DYM: variants seen among roughly 807,000 people sequenced by gnomAD.
DYM encodes the protein dyggve-Melchior-Clausen syndrome protein.
In DYM, 78 loss-of-function variants were observed where a neutral mutation model predicts 93.1. The ratio of observed to expected loss-of-function variants is 0.84; its 90% CI spans 0.70 to 1.01. The LOEUF (loss-of-function observed/expected upper bound fraction) is 1.01, where lower values mean the gene tolerates loss of function less well. Ranked by LOEUF, DYM falls within the 50% of genes least tolerant of loss-of-function variation. The probability of loss-of-function intolerance (pLI) is 0.00; values close to 1 mark genes in which losing one functional copy is unlikely to be tolerated. For missense variants in DYM, 789 were observed against 845.0 expected, an observed-to-expected ratio of 0.93 and a Z score of 0.82; for synonymous variants, 321 against 319.7, an observed-to-expected ratio of 1.00 and a Z score of -0.04.
intron 8 of DYM, among the ~76,000 whole-genome samples, chr18:49,293,140 T>C (rs1214173632): frequency 6.6e-6 from 1 of 152,176 alleles, no homozygotes; most frequent in Admixed American, 6.6e-5. Flanking sequence ...TCCATGTCCC[T>C]GCAAAGGACA....
intron 15 of DYM, among the ~76,000 whole-genome samples, chr18:49,149,279 T>C (rs1197513050): frequency 6.6e-6 from 1 of 152,130 alleles, no homozygotes; most frequent in Non-Finnish European, 1.5e-5. Context: ...TCCTGCTGTG[T>C]GGCTCAGTTC....
chr18:49,044,311 T>G, intron 17 of DYM, 107 bp from the exon 18 acceptor site: 1 of 1,197,032 alleles, frequency 8.4e-7, no homozygotes, highest in African/African-American at 1.5e-5. Context: ...CACCCACCCC[T>G]GCCAACTGGT....
chr18:49,095,118 A>T (rs918196065), intron 17 of DYM, among the ~76,000 whole-genome samples: 2 of 152,244 alleles, frequency 1.3e-5, no homozygotes, highest in Non-Finnish European at 2.9e-5. Context: ...ATATATTAGT[A>T]AACTACTCCA....
intron 10 of DYM, among the ~76,000 whole-genome samples, chr18:49,272,851 T>C (rs2094743685): frequency 6.6e-6 from 1 of 152,176 alleles, no homozygotes; most frequent in Non-Finnish European, 1.5e-5. Flanking sequence ...TAATGCTGTT[T>C]ACCATTGTGC....
At chr18:49,211,418 T>C (rs553785551) in intron 13 of DYM, among the ~76,000 whole-genome samples, 136 of 152,276 alleles carry the variant, frequency 8.9e-4, no homozygotes, top group Non-Finnish European at 1.5e-3. Flanking sequence ...ATAGTGAACA[T>C]ATCTGATATG....
chr18:49,273,838 G>A (rs2094776525), intron 10 of DYM, among the ~76,000 whole-genome samples: 1 of 142,108 alleles, frequency 7.0e-6, no homozygotes, highest in Non-Finnish European at 1.5e-5. Flanking sequence ...TTTTGGCTAC[G>A]CCTGTAGAAA....
intron 17 of DYM, among the ~76,000 whole-genome samples, chr18:49,094,135 AG>A (rs2079335323): frequency 6.6e-6 from 1 of 152,256 alleles, no homozygotes; most frequent in African/African-American, 2.4e-5. Flanking sequence ...CACTAAATAC[AG>A]TAAAATTCTT....
chr18:49,359,866 A>C (rs1244577568), intron 6 of DYM: 1 of 152,334 alleles, frequency 6.6e-6, no homozygotes, highest in Non-Finnish European at 1.5e-5. Context: ...TTCCTCTTAA[A>C]TTATACACTG....
At chr18:49,349,372 AT>A (rs1284683996) in intron 6 of DYM, among the ~76,000 whole-genome samples, 2 of 152,372 alleles carry the variant, frequency 1.3e-5, no homozygotes, top group Admixed American at 1.3e-4. Context: ...GTTATTAAAA[AT>A]ATTCTTAAAA....
chr18:49,097,014 A>C (rs1177487783), intron 17 of DYM, among the ~76,000 whole-genome samples: 1 of 152,218 alleles, frequency 6.6e-6, no homozygotes, highest in African/African-American at 2.4e-5. Flanking sequence ...TGAGCTTGAT[A>C]TAACACATTT....
rs574513638 is a variant in DYM, at chr18:49,045,852, C to T, written c.2026-1648G>A. ...GAGCAGAGGCCAGACTGGGGAGCTG[C>T]ACATAAGGTCCCGGAAGCCTCTGAA... On this transcript the variant is annotated intron_variant, in intron 17 of 17. Coordinates refer to ENST00000675505, the MANE Select transcript of DYM (RefSeq NM_001353214.3). 2.6e-5 allele frequency among the ~76,000 whole-genome samples: 4 copies of T among 152,164 alleles called. 1 individual carries two copies. Among genetic ancestry groups the T allele is most frequent in the African/African-American group, 9.6e-5 (4 of 41,498 alleles).
intron 14 of DYM, among the ~76,000 whole-genome samples, chr18:49,177,000 A>G (rs1364060775): frequency 1.3e-5 from 2 of 152,160 alleles, no homozygotes; most frequent in East Asian, 3.8e-4. Context: ...ACTTGAAAGA[A>G]GTTTGGTTGT....
chr18:49,048,935 T>G (rs770988735), intron 17 of DYM, among the ~76,000 whole-genome samples: 8 of 152,222 alleles, frequency 5.3e-5, no homozygotes, highest in Non-Finnish European at 4.4e-5. Context: ...AGATCTTTCC[T>G]CTAATCGGAA....
chr18:49,102,516 C>T (rs547151075), intron 16 of DYM, among the ~76,000 whole-genome samples: 5 of 152,238 alleles, frequency 3.3e-5, no homozygotes, highest in African/African-American at 7.2e-5. Flanking sequence ...GCTGCACCCA[C>T]TAACTCGTCA....
intron 15 of DYM, among the ~76,000 whole-genome samples, chr18:49,131,194 G>A (rs952132025): frequency 9.9e-5 from 15 of 152,078 alleles, no homozygotes; most frequent in Admixed American, 2.6e-4. Context: ...CAACTTTAAG[G>A]TGACAAAGAG....
chr18:49,272,496 T>A (rs1200977121), intron 10 of DYM, among the ~76,000 whole-genome samples, 193 bp from the exon 11 acceptor site: 3 of 152,098 alleles, frequency 2.0e-5, no homozygotes, highest in African/African-American at 7.2e-5. Context: ...GTGGAGAAAA[T>A]CACCACTAAC....
At chr18:49,094,642 T>C (rs1214911103) in intron 17 of DYM, among the ~76,000 whole-genome samples, 3 of 152,214 alleles carry the variant, frequency 2.0e-5, no homozygotes, top group South Asian at 4.1e-4. Flanking sequence ...CATTCCCACA[T>C]AGGATATTAC....
chr18:49,141,851 A>G (rs2337210), intron 15 of DYM, among the ~76,000 whole-genome samples: 103,205 of 151,856 alleles, frequency 0.68, 38,481 homozygotes, highest in Non-Finnish European at 0.84. Context: ...AAATCAATAA[A>G]TATGTTTTCT....
chr18:49,056,550 T>C (rs79127029), intron 17 of DYM, among the ~76,000 whole-genome samples: 1 of 152,218 alleles, frequency 6.6e-6, no homozygotes, highest in Admixed American at 6.5e-5. Flanking sequence ...TTTATTATTA[T>C]TTTTAAAGAC....
Sources: allele counts gnomAD v4.1 joint callset (sites outside exome capture counted in the v4.1 genomes callset), GRCh38; gene constraint gnomAD v4.1.1; transcripts MANE v1.5; gene names NCBI Gene and HGNC (gene_info 2026-07-23, HGNC 2026-07-21).